Variants in ZMYM5 observed in about 807,000 individuals in gnomAD.
ZMYM5 encodes zinc finger MYM-type containing 5.
A neutral mutation model predicts 61.8 loss-of-function variants in ZMYM5; 41 were observed. That is an observed-to-expected ratio of 0.66 (90% confidence interval 0.52 to 0.86). The LOEUF (loss-of-function observed/expected upper bound fraction) is 0.86. Among genes scored for constraint, ZMYM5 ranks in the 40% least tolerant of loss-of-function variants. ZMYM5 has a pLI of 0.00. For synonymous variants in ZMYM5, 257 were observed against 276.4 expected (o/e 0.93, Z 0.70); for missense variants, 706 against 786.7 (o/e 0.90, Z 1.23).
At chr13:19,851,259 G>A (rs2138611683) in intron 4 of ZMYM5, 96 bp downstream of exon 4, 1 of 1,159,862 alleles carries the variant, frequency 8.6e-7, no homozygotes, top group East Asian at 2.4e-5. Context: ...AAAAAGCAAA[G>A]CCACAGAATG....
At position 19,852,268 on chromosome 13, in the gene ZMYM5, C is replaced by A. The variant is rs548909144; in HGVS notation, c.-10-78G>T. On this transcript the variant is annotated intron_variant, in intron 2 of 7. Coordinates refer to ENST00000337963, the MANE Select transcript of ZMYM5 (RefSeq NM_001142684.2). ...TTTTACTACAATAAAATAGCACAAG[C>A]AAATTTTTCAAATTATTTTTTGTGA... The A allele has an allele frequency of 4.1e-5, 57 of 1,392,726 alleles. 1 individual carries two copies. In the South Asian group the frequency reaches 8.8e-4, roughly 22 times the overall value. 86.3% of individuals were successfully genotyped at this position (1,392,726 alleles called of 1,614,324 possible).
chr13:19,853,340 C>T (rs1000195706), intron 2 of ZMYM5, among the ~76,000 whole-genome samples: 4 of 152,090 alleles, frequency 2.6e-5, no homozygotes, highest in African/African-American at 9.7e-5. Flanking sequence ...TGAAATTGAT[C>T]ACGTATAAGG....
At chr13:19,841,440 A>G (rs995806084) in intron 4 of ZMYM5, among the ~76,000 whole-genome samples, 1 of 152,150 alleles carries the variant, frequency 6.6e-6, no homozygotes, top group African/African-American at 2.4e-5. Flanking sequence ...TTCAATAGGG[A>G]AAAACAGCCC....
intron 4 of ZMYM5, among the ~76,000 whole-genome samples, chr13:19,848,356 C>T (rs1953160370): frequency 6.6e-6 from 1 of 152,084 alleles, no homozygotes; most frequent in Non-Finnish European, 1.5e-5. Flanking sequence ...TCATGGCTCA[C>T]TGTAGCCTCA....
intron 2 of ZMYM5, among the ~76,000 whole-genome samples, chr13:19,854,088 C>G (rs574611906): frequency 6.6e-6 from 1 of 152,270 alleles, no homozygotes; most frequent in South Asian, 2.1e-4. Context: ...CGGCTCACTG[C>G]AACCTCCGCC....
At chr13:19,830,562 C>T (rs1166571702) in intron 7 of ZMYM5, among the ~76,000 whole-genome samples, 1 of 152,036 alleles carries the variant, frequency 6.6e-6, no homozygotes, top group African/African-American at 2.4e-5. Flanking sequence ...TTGAGACAGT[C>T]TCACACTGTC....
At chr13:19,829,078 G>C (rs1354052766) in intron 7 of ZMYM5, among the ~76,000 whole-genome samples, 1 of 151,862 alleles carries the variant, frequency 6.6e-6, no homozygotes, top group Non-Finnish European at 1.5e-5. Context: ...CAGCAGCCTG[G>C]GTGACAGAGG....
rs1384457995 is a variant in ZMYM5, at chr13:19,863,570, A to C, written c.-199T>G. ...CCCGGTTCTGGCTGCGGCTGCGCGG[A>C]ACGAACAAGCCCACCCCGCTTCGGC... On this transcript the variant is annotated 5_prime_UTR_variant, in exon 1 of 8. Coordinates refer to ENST00000337963, the MANE Select transcript of ZMYM5 (RefSeq NM_001142684.2). 2 of 152,712 alleles carry C rather than the reference A, an allele frequency of 1.3e-5. No individual in the cohort carries two copies. Among genetic ancestry groups the C allele is most frequent in the Non-Finnish European group, 2.9e-5 (2 of 68,296 alleles). 9.5% of individuals were successfully genotyped at this position (152,712 alleles called of 1,614,324 possible).
intron 4 of ZMYM5, among the ~76,000 whole-genome samples, chr13:19,847,538 T>C (rs2138587484): frequency 6.6e-6 from 1 of 152,308 alleles, no homozygotes. Flanking sequence ...TGTAAGACAA[T>C]GTTACTTTTC....
chr13:19,844,601 A>G (rs1029484131), intron 4 of ZMYM5, among the ~76,000 whole-genome samples: 3 of 152,174 alleles, frequency 2.0e-5, no homozygotes, highest in Non-Finnish European at 2.9e-5. Context: ...CCTACTGTTA[A>G]GGAGTGTTTA....
chr13:19,831,449 C>T (rs1235840359), intron 7 of ZMYM5, among the ~76,000 whole-genome samples: 1 of 151,882 alleles, frequency 6.6e-6, no homozygotes. Context: ...TACTGAAATA[C>T]ACATGGTAGA....
rs771343132 is a variant in ZMYM5, at chr13:19,851,801, G to A, written c.380C>T (p.Thr127Ile). Residue 127 changes from threonine (T) to isoleucine (I), a missense_variant, in exon 3 of 8, where the codon ACA becomes ATA. Physicochemically the swap from Thr to Ile is moderately conservative, Grantham distance 89. This residue lies in a region of ZMYM5 where 480 missense variants were observed against 461.7 expected (regional missense o/e 1.04). Transcript: ENST00000337963. ...AGACTTTTTCTCTGCTCCTCCATTT[G>A]TTTCTATGTCCTCTTCATCATCAAT... ...IVIDDEEDIE[T>I]NGGAEKKSSC... 6.2e-7 allele frequency: 1 copy of A among 1,612,136 alleles called. No individual in the cohort carries two copies. Among genetic ancestry groups the A allele is most frequent in the Non-Finnish European group, 8.5e-7 (1 of 1,179,614 alleles).
At chr13:19,831,161 C>G (rs566575878) in intron 7 of ZMYM5, among the ~76,000 whole-genome samples, 8 of 147,418 alleles carry the variant, frequency 5.4e-5, no homozygotes, top group African/African-American at 1.5e-4. Context: ...AGGTCTTGCT[C>G]TGTCACCCAG....
rs1953859659 is a variant in ZMYM5, at chr13:19,863,535, A to G, written c.-164T>C. 6.5e-6 allele frequency: 1 copy of G among 152,766 alleles called. No individual in the cohort carries two copies. Among genetic ancestry groups the G allele is most frequent in the African/African-American group, 2.4e-5 (1 of 41,446 alleles). The allele number at this position is 152,766 out of a possible 1,614,324, so 9.5% of individuals were successfully genotyped here. A position where few individuals can be genotyped will look rare whatever the true frequency, so the allele number is the denominator to read the frequency against. ...GCCCTGGACTGGAAAGACAGCGGGGATAAGCGTCACCCGGTTCTGGCTGCG... is the reference window on the plus strand; with the variant it reads ...GCCCTGGACTGGAAAGACAGCGGGGGTAAGCGTCACCCGGTTCTGGCTGCG... On this transcript the variant is annotated 5_prime_UTR_variant, in exon 1 of 8. Transcript: ENST00000337963.
chr13:19,857,392 G>C (rs183256789), intron 2 of ZMYM5, among the ~76,000 whole-genome samples: 157 of 152,272 alleles, frequency 1.0e-3, no homozygotes, highest in African/African-American at 3.7e-3. Flanking sequence ...AATGTACTTT[G>C]ACCTATTTAG....
At chr13:19,832,891 C>A (rs776120864) in intron 7 of ZMYM5, among the ~76,000 whole-genome samples, 5 of 131,980 alleles carry the variant, frequency 3.8e-5, no homozygotes, top group Non-Finnish European at 8.1e-5. Context: ...ACCACCATAT[C>A]TGGCTAATTA....
chr13:19,848,636 T>C (rs558346918), intron 4 of ZMYM5, among the ~76,000 whole-genome samples: 12 of 151,832 alleles, frequency 7.9e-5, no homozygotes, highest in Non-Finnish European at 1.6e-4. Context: ...CAGGTTCAAG[T>C]GATTTTCCTG....
chr13:19,843,444 A>G (rs1255335554), intron 4 of ZMYM5: 1 of 151,106 alleles, frequency 6.6e-6, no homozygotes. Context: ...TTTTATTTAT[A>G]TAAGATGGAA....
chr13:19,858,206 A>G (rs986730691), intron 2 of ZMYM5, among the ~76,000 whole-genome samples: 1 of 151,244 alleles, frequency 6.6e-6, no homozygotes, highest in Non-Finnish European at 1.5e-5. Flanking sequence ...TAAAAATTAA[A>G]AAAAAAAAAC....
Sources: gnomAD v4.1 joint callset for allele counts (sites outside exome capture counted in the v4.1 genomes callset) on GRCh38, gnomAD v4.1.1 for gene constraint, gnomAD v4.1.1 regional missense constraint, MANE v1.5 for transcripts, NCBI Gene and HGNC (gene_info 2026-07-23, HGNC 2026-07-21) for gene names.